The following MTRF1 variants were observed in gnomAD, a reference collection of about 807,000 sequenced individuals.
MTRF1 encodes the protein mitochondrial translation release factor 1, also known as peptide chain release factor 1, mitochondrial.
A neutral mutation model predicts 62.9 loss-of-function variants in MTRF1; 51 were observed. The observed-to-expected ratio is 0.81, with a 90% CI of 0.65 to 1.02. MTRF1 has a LOEUF of 1.02. Ranked by LOEUF, MTRF1 falls within the 50% of genes least tolerant of loss-of-function variation. The probability of loss-of-function intolerance (pLI) is 0.00; values close to 1 mark genes in which losing one functional copy is unlikely to be tolerated. For missense variants in MTRF1, 446 were observed against 530.0 expected (o/e 0.84, Z 1.56); for synonymous variants, 158 against 181.9 (o/e 0.87, Z 1.06).
At chr13:41,285,635 T>G in the MTRF1 span, among the ~76,000 whole-genome samples, 1 of 152,110 alleles carries the variant, frequency 6.6e-6, no homozygotes, top group East Asian at 1.9e-4. Context: ...AGACAGAGAG[T>G]TACTGCTATG....
At chr13:41,311,219 G>C in the MTRF1 span, 11 of 487,760 alleles carry the variant, frequency 2.3e-5, no homozygotes, top group Admixed American at 4.1e-5. Context: ...GGCGCTCCGC[G>C]CATGCGCACA....
chr13:41,274,995 C>T, the MTRF1 span, among the ~76,000 whole-genome samples: 1 of 152,120 alleles, frequency 6.6e-6, no homozygotes, highest in Non-Finnish European at 1.5e-5. Flanking sequence ...TTTTTAGTTG[C>T]GGTACTTCCA....
At chr13:41,224,842 T>C (rs9594498) in intron 8 of MTRF1, among the ~76,000 whole-genome samples, 3,060 of 152,340 alleles carry the variant, frequency 0.02, 117 homozygotes, top group African/African-American at 0.069. Flanking sequence ...GACGTCTTTT[T>C]TGGCTTGTCA....
At chr13:41,265,989 A>G (rs992093072), upstream of MTRF1, among the ~76,000 whole-genome samples, 1 of 152,066 alleles carries the variant, frequency 6.6e-6, no homozygotes, top group African/African-American at 2.4e-5. Flanking sequence ...AGCTGGGACT[A>G]CAGGTGCACA....
At chr13:41,259,610 G>A (rs2040155834) in intron 2 of MTRF1, among the ~76,000 whole-genome samples, 1 of 150,626 alleles carries the variant, frequency 6.6e-6, no homozygotes, top group Non-Finnish European at 1.5e-5. Flanking sequence ...GCTGAGGCAG[G>A]AGAATGGCGT....
intron 3 of MTRF1, 151 bp downstream of exon 3, chr13:41,254,378 A>G (rs73179143): frequency 0.054 from 22,957 of 428,206 alleles, 832 homozygotes; most frequent in Non-Finnish European, 0.075. Context: ...CTCATTCTGC[A>G]GCAAATTACA....
chr13:41,226,548 G>C lies in MTRF1; in HGVS notation c.1009C>G (p.Gln337Glu). The C allele has an allele frequency of 6.2e-7, 1 of 1,613,736 alleles. No homozygotes were observed. Residue 337 changes from glutamine (Q) to glutamate (E), a missense_variant, in exon 8 of 10, where the codon CAA (glutamine) becomes GAA (glutamate). Coordinates refer to ENST00000379480, the MANE Select transcript of MTRF1 (RefSeq NM_004294.4). ...TTATTTTTTATCTGTGATCTTTCTT[G>C]TTGGCATTCTACTACTAGCCCTGAA... Reference protein sequence around the residue: ...IPTGLVVECQQERSQIKNKEI... With the variant: ...IPTGLVVECQEERSQIKNKEI...
chr13:41,298,390 C>CTCTGATAGGTCT, the MTRF1 span, among the ~76,000 whole-genome samples: 4 of 151,512 alleles, frequency 2.6e-5, no homozygotes, highest in South Asian at 8.4e-4. Context: ...AGCACTATTA[C>CTCTGATAGGTCT]GAAGTTACAC....
the MTRF1 span, among the ~76,000 whole-genome samples, chr13:41,296,044 G>A: frequency 2.6e-5 from 4 of 152,138 alleles, no homozygotes; most frequent in South Asian, 8.3e-4. Context: ...TTGAACTCTG[G>A]GGCTCAAGCA....
intron 9 of MTRF1, among the ~76,000 whole-genome samples, chr13:41,220,335 A>C (rs980325327): frequency 1.4e-5 from 2 of 147,858 alleles, no homozygotes; most frequent in Non-Finnish European, 3.1e-5. Context: ...AAAAAAAAAA[A>C]AAAAAAAAAA....
chr13:41,269,473 C>T, the MTRF1 span, among the ~76,000 whole-genome samples: 5 of 151,962 alleles, frequency 3.3e-5, no homozygotes, highest in African/African-American at 4.8e-5. Context: ...ACTGGGATTA[C>T]AGGAATGAGC....
the MTRF1 span, among the ~76,000 whole-genome samples, chr13:41,290,690 G>A: frequency 6.6e-6 from 1 of 151,726 alleles, no homozygotes; most frequent in Non-Finnish European, 1.5e-5. Context: ...ACTGTGCTTG[G>A]CCTGTAATGG....
At chr13:41,308,885 C>T in the MTRF1 span, among the ~76,000 whole-genome samples, 1 of 152,164 alleles carries the variant, frequency 6.6e-6, no homozygotes, top group African/African-American at 2.4e-5. Context: ...TACTCTCCAC[C>T]CTCAAGTAGG....
chr13:41,305,856 G>A, the MTRF1 span, among the ~76,000 whole-genome samples: 1 of 152,166 alleles, frequency 6.6e-6, no homozygotes, highest in African/African-American at 2.4e-5. Flanking sequence ...CTTGCTTTGT[G>A]TCCCTCATAG....
Position 41,260,903 on chromosome 13 carries a change from T to C in MTRF1, c.5A>G (p.Asn2Ser), listed in dbSNP as rs9532758. Residue 2 changes from asparagine (N) to serine (S), a missense_variant, in exon 2 of 10, where the codon AAT (asparagine) becomes AGT (serine). Coordinates refer to ENST00000379480, the MANE Select transcript of MTRF1 (RefSeq NM_004294.4). ...AAAAAGCCAAACACACAGGTGACGA[T>C]TCATCTCAGCATCTGAAATACAATA... Reference protein sequence around the residue: MNRHLCVWLFRH... With the variant: MSRHLCVWLFRH... 0.067 allele frequency: 106,548 copies of C among 1,596,744 alleles called. 4,349 individuals carry two copies. The highest frequency in any genetic ancestry group is 0.17 in the African/African-American group (12,294 of 74,094).
chr13:41,305,396 A>G, the MTRF1 span, among the ~76,000 whole-genome samples: 1 of 152,192 alleles, frequency 6.6e-6, no homozygotes, highest in East Asian at 1.9e-4. Flanking sequence ...AGATCATGTA[A>G]CTTGCCTTCT....
At chr13:41,228,178 A>T (rs900304538) in intron 7 of MTRF1, among the ~76,000 whole-genome samples, 2 of 152,040 alleles carry the variant, frequency 1.3e-5, no homozygotes, top group Non-Finnish European at 2.9e-5. Context: ...TCACTTTATT[A>T]TGTATTTTAT....
chr13:41,308,377 T>C, the MTRF1 span, among the ~76,000 whole-genome samples: 1 of 152,270 alleles, frequency 6.6e-6, no homozygotes, highest in African/African-American at 2.4e-5. Flanking sequence ...AGGGCTTGAC[T>C]GACGCACTGA....
chr13:41,269,636 A>C, the MTRF1 span, among the ~76,000 whole-genome samples: 1 of 152,078 alleles, frequency 6.6e-6, no homozygotes, highest in Non-Finnish European at 1.5e-5. Context: ...CAAATAACAA[A>C]ATATCTATTA....
Sources: gnomAD v4.1 joint callset for allele counts (sites outside exome capture counted in the v4.1 genomes callset) on GRCh38, gnomAD v4.1.1 for gene constraint, MANE v1.5 for transcripts, NCBI Gene and HGNC (gene_info 2026-07-23, HGNC 2026-07-21) for gene names.